UTRN: variants seen among roughly 807,000 people sequenced by gnomAD.
UTRN encodes the protein dystrophin-related protein 1.
Under a neutral mutation model 463.9 loss-of-function variants are expected in UTRN, and 283 were observed. The observed-to-expected ratio is 0.61, with a 90% CI of 0.55 to 0.67. UTRN has a LOEUF of 0.67. Among genes scored for constraint, UTRN ranks in the 30% least tolerant of loss-of-function variants. The pLI is 0.00. For synonymous variants in UTRN, 1,442 were observed against 1,431.5 expected (o/e 1.01, Z -0.17); for missense variants, 3,922 against 4,084.3 (o/e 0.96, Z 1.08).
At position 144,700,937 on chromosome 6, in the gene UTRN, C is replaced by T. The variant is rs1464454186; in HGVS notation, c.7809+694C>T. ...GTATTTTTTTTTTTAGATGGAGTCT[C>T]GCTCTGTTGCCCAGGCTGGAGTGCA... On this transcript the variant is annotated intron_variant, in intron 53 of 74. Coordinates refer to ENST00000367545, the MANE Select transcript of UTRN (RefSeq NM_007124.3). 8.5e-5 allele frequency among the ~76,000 whole-genome samples: 12 copies of T among 140,774 alleles called. No individual in the cohort carries two copies. In the South Asian group the frequency reaches 1.4e-3, roughly 17 times the overall value. 92.4% of individuals were successfully genotyped at this position (140,774 alleles called of 152,430 possible).
chr6:144,601,276 C>G (rs1407985066), intron 51 of UTRN, among the ~76,000 whole-genome samples: 1 of 152,058 alleles, frequency 6.6e-6, no homozygotes, highest in Non-Finnish European at 1.5e-5. Context: ...ATAGTAATTC[C>G]TTTGATGGAT....
Position 144,542,858 on chromosome 6 carries a change from A to G in UTRN, c.6583A>G (p.Thr2195Ala), listed in dbSNP as rs1337364663. 1 of 1,613,034 alleles carries G rather than the reference A, an allele frequency of 6.2e-7. No homozygotes were observed. The highest frequency in any genetic ancestry group is 1.1e-5 in the South Asian group (1 of 90,686). Residue 2195 changes from threonine (T) to alanine (A), a missense_variant, in exon 46 of 75, where the codon ACA (threonine) becomes GCA (alanine). Thr to Ala is a moderately conservative substitution (Grantham distance 58, BLOSUM62 0). Transcript: ENST00000367545. ...CCAGGAGCCCAGTTCTGTTTCACAGACAAGGATTGCTGGTAAGATATGTTT... is the reference window on the plus strand; with the variant it reads ...CCAGGAGCCCAGTTCTGTTTCACAGGCAAGGATTGCTGGTAAGATATGTTT... ...CIQEPSSVSQ[T>A]RIAAHPNVQK...
At chr6:144,531,704 T>A (rs1023794385) in intron 42 of UTRN, among the ~76,000 whole-genome samples, 3 of 152,226 alleles carry the variant, frequency 2.0e-5, no homozygotes, top group African/African-American at 2.4e-5. Flanking sequence ...ACAATAGGTC[T>A]TTAAAAATAA....
chr6:144,425,280 T>C (rs754013291), intron 6 of UTRN, among the ~76,000 whole-genome samples: 1 of 152,174 alleles, frequency 6.6e-6, no homozygotes, highest in Non-Finnish European at 1.5e-5. Flanking sequence ...TGACGTGAGT[T>C]CTTCTTAGTG....
At chr6:144,402,188 T>C (rs969048952) in intron 2 of UTRN, among the ~76,000 whole-genome samples, 2 of 152,242 alleles carry the variant, frequency 1.3e-5, no homozygotes, top group African/African-American at 4.8e-5. Flanking sequence ...AACAACGAGC[T>C]GAACACCAGC....
chr6:144,626,137 T>A (rs1349822481), intron 51 of UTRN, among the ~76,000 whole-genome samples: 3 of 152,198 alleles, frequency 2.0e-5, no homozygotes, highest in Admixed American at 6.5e-5. Flanking sequence ...TAAGCAGTGA[T>A]GGGTGTTTAT....
At chr6:144,674,325 G>A (rs1169455390) in intron 51 of UTRN, among the ~76,000 whole-genome samples, 3 of 151,098 alleles carry the variant, frequency 2.0e-5, no homozygotes, top group Non-Finnish European at 4.4e-5. Flanking sequence ...AAATTTCTTG[G>A]AGGCTGTTTT....
At position 144,429,654 on chromosome 6, in the gene UTRN, G is replaced by A. The variant is rs1272984027; in HGVS notation, c.768G>A (p.Gln256=). 1 of 1,612,902 alleles carries A rather than the reference G, an allele frequency of 6.2e-7. No homozygotes were observed. Reference sequence around the variant, plus strand: ...CATCTTTGTTTGAGGTGCTACCTCAGCAAGTCACCATAGACGCCATCCGTG... The same window carrying A: ...CATCTTTGTTTGAGGTGCTACCTCAACAAGTCACCATAGACGCCATCCGTG... ...YLTSLFEVLP[Q]QVTIDAIREV... Residue 256 remains glutamine, a synonymous_variant, in exon 9 of 75, where the codon CAG becomes CAA. Transcript: ENST00000367545.
At chr6:144,309,966 G>A (rs1210391568) in intron 2 of UTRN, among the ~76,000 whole-genome samples, 1 of 152,158 alleles carries the variant, frequency 6.6e-6, no homozygotes, top group Non-Finnish European at 1.5e-5. Flanking sequence ...GAGCTACTGT[G>A]CCAGTCAATT....
intron 2 of UTRN, among the ~76,000 whole-genome samples, chr6:144,339,776 T>G (rs1033931171): frequency 5.9e-5 from 9 of 152,276 alleles, no homozygotes; most frequent in African/African-American, 2.2e-4. Context: ...CCCCTCCCAA[T>G]TTTTTCTTTT....
At chr6:144,605,560 A>G (rs1300046486) in intron 51 of UTRN, among the ~76,000 whole-genome samples, 1 of 151,946 alleles carries the variant, frequency 6.6e-6, no homozygotes, top group African/African-American at 2.4e-5. Flanking sequence ...AATTATTTGT[A>G]TAAAATTACT....
At chr6:144,291,370 A>C (rs1369729582) in intron 1 of UTRN, among the ~76,000 whole-genome samples, 1 of 152,166 alleles carries the variant, frequency 6.6e-6, no homozygotes, top group Non-Finnish European at 1.5e-5. Flanking sequence ...TTGGCTAATT[A>C]AATTCTTGTC....
chr6:144,343,363 AACACACACACACACAC>A (rs3061626), intron 2 of UTRN, among the ~76,000 whole-genome samples: 1,469 of 135,418 alleles, frequency 0.011, 32 homozygotes, highest in African/African-American at 0.039. Flanking sequence ...GTCTCTACTA[AACACACACACACACAC>A]ACACACACAC....
chr6:144,356,095 G>A (rs1778522467), intron 2 of UTRN, among the ~76,000 whole-genome samples: 1 of 152,148 alleles, frequency 6.6e-6, no homozygotes, highest in Middle Eastern at 3.2e-3. Flanking sequence ...AAAGGGGGAA[G>A]GTTACTTTCA....
intron 13 of UTRN, among the ~76,000 whole-genome samples, chr6:144,443,936 A>G (rs1268629261): frequency 6.6e-6 from 1 of 152,176 alleles, no homozygotes; most frequent in Non-Finnish European, 1.5e-5. Context: ...CACAAAAAGT[A>G]GATATGTTTG....
At chr6:144,670,701 G>A (rs1252094822) in intron 51 of UTRN, among the ~76,000 whole-genome samples, 3 of 152,086 alleles carry the variant, frequency 2.0e-5, no homozygotes, top group Non-Finnish European at 4.4e-5. Flanking sequence ...TGGTCATGAA[G>A]TCTTTGCCTA....
intron 31 of UTRN, 52 bp from the exon 32 acceptor site, chr6:144,490,877 G>C: frequency 1.3e-6 from 2 of 1,514,794 alleles, no homozygotes; most frequent in Non-Finnish European, 1.8e-6. Flanking sequence ...TGCTCATGAT[G>C]AGAGAGATAA....
At chr6:144,322,372 T>C (rs926888185) in intron 2 of UTRN, among the ~76,000 whole-genome samples, 1 of 152,230 alleles carries the variant, frequency 6.6e-6, no homozygotes, top group African/African-American at 2.4e-5. Flanking sequence ...ACTGAATGTG[T>C]CTGATGGATT....
At chr6:144,491,755 A>G (rs1793094687) in intron 32 of UTRN, among the ~76,000 whole-genome samples, 1 of 152,138 alleles carries the variant, frequency 6.6e-6, no homozygotes, top group African/African-American at 2.4e-5. Flanking sequence ...TTTAATATAT[A>G]TGTGCATGTA....
Sources: gnomAD v4.1 joint callset for allele counts (sites outside exome capture counted in the v4.1 genomes callset) on GRCh38, gnomAD v4.1.1 for gene constraint, MANE v1.5 for transcripts, NCBI Gene and HGNC (gene_info 2026-07-23, HGNC 2026-07-21) for gene names.